The following CERS6 variants were observed in gnomAD, a reference collection of about 807,000 sequenced individuals.
The protein encoded by CERS6 is LAG1 homolog, ceramide synthase 6.
CERS6 carries 26 observed loss-of-function variants against 56.8 expected under a neutral mutation model. The ratio of observed to expected loss-of-function variants is 0.46; its 90% CI spans 0.34 to 0.63. The LOEUF is 0.63. Among genes scored for constraint, CERS6 ranks in the 30% least tolerant of loss-of-function variants. The probability of loss-of-function intolerance (pLI) is 0.01; values close to 1 mark genes in which losing one functional copy is unlikely to be tolerated. For missense variants in CERS6, 415 were observed against 467.5 expected (o/e 0.89, Z 1.04); for synonymous variants, 164 against 173.3 (o/e 0.95, Z 0.42).
chr2:168,694,317 C>G (rs1329396694), intron 5 of CERS6, among the ~76,000 whole-genome samples: 2 of 152,124 alleles, frequency 1.3e-5, no homozygotes, highest in Non-Finnish European at 2.9e-5. Context: ...AATAAGTAAA[C>G]TAAGACCCAA....
chr2:168,596,546 TCC>T (rs368692828), intron 3 of CERS6, among the ~76,000 whole-genome samples: 1 of 106,350 alleles, frequency 9.4e-6, no homozygotes, highest in East Asian at 2.7e-4. Context: ...CAGGGCCCCA[TCC>T]CCCCCCCTTT....
At chr2:168,701,278 G>A (rs927601398) in intron 6 of CERS6, among the ~76,000 whole-genome samples, 1 of 152,092 alleles carries the variant, frequency 6.6e-6, no homozygotes. Context: ...ATAATAATAT[G>A]GCTAGTTATC....
At chr2:168,663,213 T>C (rs1685677569) in intron 4 of CERS6, among the ~76,000 whole-genome samples, 1 of 152,184 alleles carries the variant, frequency 6.6e-6, no homozygotes, top group African/African-American at 2.4e-5. Context: ...ATTTTTTTCT[T>C]TTTCCAAACT....
rs961885097 is a variant in CERS6, at chr2:168,656,998, C to A, written c.465+25956C>A. ...AGTGTCGATTGGTGCAGTCACAAAC[C>A]TTGAGCTAAACACAGGGTGCTGATT... On this transcript the variant is annotated intron_variant, in intron 4 of 9. Transcript: ENST00000305747. Among the ~76,000 whole-genome samples the A allele has an allele frequency of 2.0e-4, 30 of 152,162 alleles. 1 individual carries two copies. Among genetic ancestry groups the A allele is most frequent in the African/African-American group, 6.5e-4 (27 of 41,444 alleles).
chr2:168,743,904 C>T lies in CERS6; in HGVS notation c.846-21688C>T, dbSNP rs139730530. Among the ~76,000 whole-genome samples the T allele has an allele frequency of 3.7e-3, 566 of 151,800 alleles. 2 individuals carry two copies. Among genetic ancestry groups the T allele is most frequent in the African/African-American group, 0.013 (539 of 41,342 alleles). On this transcript the variant is annotated intron_variant, in intron 8 of 9. Transcript: ENST00000305747. ...TTTGAATAGAAATTTACTTGATTCC[C>T]CACATTCTGTCCCACCCCACCCCCC...
intron 6 of CERS6, among the ~76,000 whole-genome samples, chr2:168,701,109 G>A (rs1227476275): frequency 6.6e-6 from 1 of 152,174 alleles, no homozygotes; most frequent in Admixed American, 6.5e-5. Context: ...TGCTCCGTCA[G>A]CCTGGGTTTC....
intron 9 of CERS6, among the ~76,000 whole-genome samples, chr2:168,768,119 A>G (rs1387385566): frequency 6.6e-6 from 1 of 152,174 alleles, no homozygotes; most frequent in Non-Finnish European, 1.5e-5. Context: ...CGTTTATGGT[A>G]ATGTATAGAT....
At chr2:168,574,261 T>C (rs999414614) in intron 3 of CERS6, among the ~76,000 whole-genome samples, 7 of 152,188 alleles carry the variant, frequency 4.6e-5, no homozygotes, top group African/African-American at 1.7e-4. Context: ...AGCGTTTACA[T>C]GAATCCTGGC....
Position 168,679,773 on chromosome 2 carries a change from A to G in CERS6, c.466-11261A>G, listed in dbSNP as rs61415125. Among the ~76,000 whole-genome samples, 310 of 152,334 alleles carry G rather than the reference A, an allele frequency of 2.0e-3. 9 individuals are homozygous for G. In the East Asian group the frequency reaches 0.049, roughly 24 times the overall value. On this transcript the variant is annotated intron_variant, in intron 4 of 9. Coordinates refer to ENST00000305747, the MANE Select transcript of CERS6 (RefSeq NM_203463.3). ...ATCTCATACAGCAATGCCTGAAACT[A>G]CAAGTGGGACTTATATTGTGCCTGA...
At position 168,456,311 on chromosome 2, in the gene CERS6, G is replaced by A. The variant is rs1014654588; in HGVS notation, c.-138G>A. 7.5e-5 allele frequency: 26 copies of A among 348,642 alleles called. No homozygotes were observed. Among genetic ancestry groups the A allele is most frequent in the Admixed American group, 1.7e-4 (3 of 17,458 alleles). 21.6% of individuals were successfully genotyped at this position (348,642 alleles called of 1,614,324 possible). A position where few individuals can be genotyped will look rare whatever the true frequency, so the allele number is the denominator to read the frequency against. ...GCCTTCGAGAGCAGCGGCCGCGGAGGAGGCGGCGGCGGCGGGCGGGAGCAG... is the reference window on the plus strand; with the variant it reads ...GCCTTCGAGAGCAGCGGCCGCGGAGAAGGCGGCGGCGGCGGGCGGGAGCAG... On this transcript the variant is annotated 5_prime_UTR_variant, in exon 1 of 10. Coordinates refer to ENST00000305747, the MANE Select transcript of CERS6 (RefSeq NM_203463.3). The surrounding 1 kb of genome is among the most constrained non-coding windows in gnomAD (Gnocchi z 4.1).
At chr2:168,495,076 A>G (rs1694441999) in intron 1 of CERS6, among the ~76,000 whole-genome samples, 1 of 152,136 alleles carries the variant, frequency 6.6e-6, no homozygotes, top group South Asian at 2.1e-4. Context: ...GCTTTGACAC[A>G]TAGTTTGGCC....
chr2:168,651,468 C>T (rs895357300), intron 4 of CERS6, among the ~76,000 whole-genome samples: 4 of 152,172 alleles, frequency 2.6e-5, no homozygotes, highest in African/African-American at 9.7e-5. Flanking sequence ...TTCATACTTG[C>T]TGTAAAGAAC....
At position 168,771,239 on chromosome 2, in the gene CERS6, A is replaced by G. The variant is rs982548498; in HGVS notation, c.*1577A>G. 11 of 152,204 alleles carry G rather than the reference A, an allele frequency of 7.2e-5. No individual in the cohort carries two copies. The highest frequency in any genetic ancestry group is 2.1e-4 in the South Asian group (1 of 4,828). The allele number at this position is 152,204 out of a possible 1,614,324, so 9.4% of individuals were successfully genotyped here. A position where few individuals can be genotyped will look rare whatever the true frequency, so the allele number is the denominator to read the frequency against. ...CTCAGAACCATTCACATTTAATTCA[A>G]TTCTTGGAAAAAATTAAAGCTTTTT... On this transcript the variant is annotated 3_prime_UTR_variant, in exon 10 of 10. Coordinates refer to ENST00000305747, the MANE Select transcript of CERS6 (RefSeq NM_203463.3).
In CERS6 at chr2:168,645,110, A is replaced by T. The variant is rs1190003051; in HGVS notation, c.465+14068A>T. On this transcript the variant is annotated intron_variant, in intron 4 of 9. Transcript: ENST00000305747. ...CATCTTAAAAAAAAAAAAAAAAAAA[A>T]AAAAAAATATATATATATATATATA... 1.2e-3 allele frequency among the ~76,000 whole-genome samples: 72 copies of T among 58,890 alleles called. 2 individuals are homozygous for T. The highest frequency in any genetic ancestry group is 3.0e-3 in the African/African-American group (48 of 15,784). The allele number at this position is 58,890 out of a possible 152,430, so 38.6% of individuals were successfully genotyped here. A position where few individuals can be genotyped will look rare whatever the true frequency, so the allele number is the denominator to read the frequency against.
In CERS6 at chr2:168,743,995, CTTTTTTTTTTTTTTT is replaced by C. The variant is rs58256507; in HGVS notation, c.846-21591_846-21577del. ...TACTGTTTTCTTTTTTCTTTTTTTT[CTTTTTTTTTTTTTTT>C]TTTTTGAGATGGAGTCTTGCTCTGT... On this transcript the variant is annotated intron_variant, in intron 8 of 9. Coordinates refer to ENST00000305747, the MANE Select transcript of CERS6 (RefSeq NM_203463.3). 5.7e-3 allele frequency among the ~76,000 whole-genome samples: 360 copies of C among 63,426 alleles called. 1 individual carries two copies. The highest frequency in any genetic ancestry group is 9.1e-3 in the Middle Eastern group (1 of 110). The allele number at this position is 63,426 out of a possible 152,430, so 41.6% of individuals were successfully genotyped here.
chr2:168,730,486 C>T (rs1410452042), intron 8 of CERS6, among the ~76,000 whole-genome samples: 1 of 152,142 alleles, frequency 6.6e-6, no homozygotes, highest in Non-Finnish European at 1.5e-5. Flanking sequence ...TGAGAAATAG[C>T]AGGGGGTGGG....
intron 4 of CERS6, among the ~76,000 whole-genome samples, chr2:168,677,730 C>T (rs549471569): frequency 1.3e-5 from 2 of 152,264 alleles, no homozygotes; most frequent in Non-Finnish European, 2.9e-5. Context: ...CTCCCAACCT[C>T]AGGTGTTCTG....
chr2:168,639,809 A>G (rs972951871), intron 4 of CERS6, among the ~76,000 whole-genome samples: 3 of 152,140 alleles, frequency 2.0e-5, no homozygotes, highest in Non-Finnish European at 4.4e-5. Flanking sequence ...AGTATCTGGT[A>G]CTGGGTCTGC....
At chr2:168,653,622 T>G (rs1685398403) in intron 4 of CERS6, among the ~76,000 whole-genome samples, 1 of 152,254 alleles carries the variant, frequency 6.6e-6, no homozygotes. Flanking sequence ...CAGCTCCACG[T>G]GACTGCCTTT....
Sources: allele counts gnomAD v4.1 joint callset (sites outside exome capture counted in the v4.1 genomes callset), GRCh38; gene constraint gnomAD v4.1.1; non-coding constraint Gnocchi (gnomAD v3.1); transcripts MANE v1.5; gene names NCBI Gene and HGNC (gene_info 2026-07-23, HGNC 2026-07-21).